The following PARP1 variants were observed in gnomAD, a reference collection of about 807,000 sequenced individuals.
PARP1 encodes poly [ADP-ribose] polymerase 1.
PARP1 carries 44 observed loss-of-function variants against 118.7 expected under a neutral mutation model. The ratio of observed to expected loss-of-function variants is 0.37; its 90% CI spans 0.29 to 0.48. PARP1 has a LOEUF of 0.48. Among genes scored for constraint, PARP1 ranks in the 20% least tolerant of loss-of-function variants. The pLI, the probability that PARP1 is intolerant of heterozygous loss-of-function variation, is 0.99. For synonymous variants in PARP1, 492 were observed against 483.2 expected, an observed-to-expected ratio of 1.02 and a Z score of -0.24; for missense variants, 1,100 against 1,272.4, an observed-to-expected ratio of 0.86 and a Z score of 2.06.
intron 12 of PARP1, among the ~76,000 whole-genome samples, chr1:226,378,836 A>C (rs1396920070): frequency 6.6e-6 from 1 of 152,228 alleles, no homozygotes; most frequent in Non-Finnish European, 1.5e-5. Flanking sequence ...CTATTTCAAA[A>C]AACAAAACAA....
chr1:226,395,096 T>C (rs1251128584), intron 2 of PARP1, among the ~76,000 whole-genome samples: 1 of 151,998 alleles, frequency 6.6e-6, no homozygotes, highest in Middle Eastern at 3.2e-3. Flanking sequence ...GAGATACTAC[T>C]TCACACACAT....
chr1:226,389,679 C>T (rs1291900549), intron 4 of PARP1, among the ~76,000 whole-genome samples: 1 of 152,196 alleles, frequency 6.6e-6, no homozygotes, highest in Non-Finnish European at 1.5e-5. Flanking sequence ...CTTCCACATT[C>T]TAGAGCCCCA....
chr1:226,390,981 G>A (rs1369820766), intron 3 of PARP1, among the ~76,000 whole-genome samples: 5 of 150,764 alleles, frequency 3.3e-5, no homozygotes, highest in Non-Finnish European at 4.4e-5. Flanking sequence ...GCACACCTGC[G>A]TGGGCTTCCA....
In PARP1 at chr1:226,379,964, C is replaced by G; in HGVS notation, c.1501G>C (p.Ala501Pro). The G allele has an allele frequency of 6.2e-7, 1 of 1,614,138 alleles. No individual in the cohort carries two copies. The highest frequency in any genetic ancestry group is 8.5e-7 in the Non-Finnish European group (1 of 1,180,030). Residue 501 changes from alanine to proline, a missense_variant, in exon 10 of 23, where the codon GCT (alanine) becomes CCT (proline). Ala to Pro is a conservative substitution (Grantham distance 27, BLOSUM62 -1). Coordinates refer to ENST00000366794, the MANE Select transcript of PARP1 (RefSeq NM_001618.4). ...CCCTTGCTTTTTTTGGAGAGCGCAG[C>G]CCCTGACTTCCCTCTTGGGGCCACA... ...EVVAPRGKSG[A>P]ALSKKSKGQV...
At chr1:226,381,969 A>G (rs1292534314) in intron 8 of PARP1, among the ~76,000 whole-genome samples, 1 of 152,214 alleles carries the variant, frequency 6.6e-6, no homozygotes, top group Non-Finnish European at 1.5e-5. Flanking sequence ...GGGAAAGCAG[A>G]GGAGGGAACC....
At chr1:226,383,474 G>A (rs369573740) in intron 7 of PARP1, among the ~76,000 whole-genome samples, 6 of 152,080 alleles carry the variant, frequency 3.9e-5, no homozygotes, top group Admixed American at 6.5e-5. Flanking sequence ...TGGCCAATTC[G>A]GTCAGGGAAC....
chr1:226,400,056 C>G (rs1197071748), intron 2 of PARP1, among the ~76,000 whole-genome samples: 1 of 152,072 alleles, frequency 6.6e-6, no homozygotes, highest in Non-Finnish European at 1.5e-5. Context: ...GACAATGGAA[C>G]AGAAATTTTT....
At position 226,361,351 on chromosome 1, in the gene PARP1, AG is replaced by A. The variant is rs1664132796; in HGVS notation, c.*108del. On this transcript the variant is annotated 3_prime_UTR_variant, in exon 23 of 23. Coordinates refer to ENST00000366794, the MANE Select transcript of PARP1 (RefSeq NM_001618.4). ...TGTAAAATCCTTTCTGAGGTGGTTTAGTACAGGTACTACCCATCAGCAACTT... is the reference window on the plus strand; with the variant it reads ...TGTAAAATCCTTTCTGAGGTGGTTTATACAGGTACTACCCATCAGCAACTT... The A allele has an allele frequency of 1.4e-6, 1 of 737,262 alleles. No individual in the cohort carries two copies. The highest frequency in any genetic ancestry group is 2.5e-6 in the Non-Finnish European group (1 of 400,866). 45.7% of individuals were successfully genotyped at this position (737,262 alleles called of 1,614,324 possible). A position where few individuals can be genotyped will look rare whatever the true frequency, so the allele number is the denominator to read the frequency against.
At chr1:226,405,131 T>C (rs1274469025) in intron 1 of PARP1, among the ~76,000 whole-genome samples, 1 of 152,164 alleles carries the variant, frequency 6.6e-6, no homozygotes, top group Non-Finnish European at 1.5e-5. Flanking sequence ...GGCTTCTTTC[T>C]TTTTGGCCTT....
chr1:226,374,205 A>G, intron 14 of PARP1, 21 bp downstream of exon 14: 1 of 1,612,964 alleles, frequency 6.2e-7, no homozygotes, highest in Non-Finnish European at 8.5e-7. Context: ...GCTCACAGAT[A>G]AAATGATAAA....
intron 2 of PARP1, among the ~76,000 whole-genome samples, chr1:226,395,537 C>A (rs961083194): frequency 6.6e-6 from 1 of 151,808 alleles, no homozygotes; most frequent in African/African-American, 2.4e-5. Flanking sequence ...CCCAGCTACT[C>A]GGGAGGCTGA....
intron 2 of PARP1, among the ~76,000 whole-genome samples, chr1:226,397,815 C>A (rs10799349): frequency 0.23 from 35,236 of 151,924 alleles, 4,969 homozygotes; most frequent in African/African-American, 0.39. Flanking sequence ...CAAAAGGATA[C>A]GTAGATCAGT....
chr1:226,379,508 G>A, intron 11 of PARP1, 65 bp downstream of exon 11: 1 of 1,349,462 alleles, frequency 7.4e-7, no homozygotes, highest in Non-Finnish European at 1.1e-6. Context: ...TTGGATGTGT[G>A]CTCCTAGTCA....
chr1:226,370,357 C>G (rs1664355393), intron 15 of PARP1, 77 bp downstream of exon 15: 5 of 1,019,416 alleles, frequency 4.9e-6, no homozygotes, highest in African/African-American at 1.6e-5. Flanking sequence ...TAAATGTTAC[C>G]CCTGCCACCC....
chr1:226,374,420 T>C, intron 13 of PARP1, 66 bp from the exon 14 acceptor site: 1 of 1,596,610 alleles, frequency 6.3e-7, no homozygotes, highest in Non-Finnish European at 8.6e-7. Flanking sequence ...TCTGCGTCTG[T>C]GGGGCTGGAC....
intron 2 of PARP1, among the ~76,000 whole-genome samples, chr1:226,399,136 T>G (rs1313479559): frequency 6.8e-6 from 1 of 147,278 alleles, no homozygotes; most frequent in Non-Finnish European, 1.5e-5. Context: ...TGCAGTGGCA[T>G]GATCTCGGCT....
Position 226,407,821 on chromosome 1 carries a change from T to C in PARP1, c.109A>G (p.Ile37Val), listed in dbSNP as rs1285064497. The C allele has an allele frequency of 1.3e-6, 2 of 1,570,078 alleles. No individual in the cohort carries two copies. Among genetic ancestry groups the C allele is most frequent in the Admixed American group, 1.9e-5 (1 of 53,340 alleles). ...SIPKDSLRMA[I>V]MVQSPMFDGK... ...ACAGCGGCCCGCACCTGCACCATGATGGCCATCCGGAGCGAGTCCTTGGGG... is the reference window on the plus strand; with the variant it reads ...ACAGCGGCCCGCACCTGCACCATGACGGCCATCCGGAGCGAGTCCTTGGGG... Residue 37 changes from isoleucine to valine, a missense_variant, in exon 1 of 23, where the codon ATC becomes GTC. Ile to Val is a conservative substitution (Grantham distance 29). Coordinates refer to ENST00000366794, the MANE Select transcript of PARP1 (RefSeq NM_001618.4).
At chr1:226,388,470 AAAT>A (rs1432655106) in intron 5 of PARP1, among the ~76,000 whole-genome samples, 183 bp downstream of exon 5, 2 of 152,232 alleles carry the variant, frequency 1.3e-5, no homozygotes, top group African/African-American at 4.8e-5. Flanking sequence ...ATTCTCTTCC[AAAT>A]AAAAATGGTT....
intron 4 of PARP1, 37 bp downstream of exon 4, chr1:226,390,373 C>G: frequency 6.3e-7 from 1 of 1,593,694 alleles, no homozygotes; most frequent in Non-Finnish European, 8.6e-7. Context: ...GAACCCCTCA[C>G]TGAACCCCCA....
Sources: gnomAD v4.1 joint callset for allele counts (sites outside exome capture counted in the v4.1 genomes callset) on GRCh38, gnomAD v4.1.1 for gene constraint, MANE v1.5 for transcripts, NCBI Gene and HGNC (gene_info 2026-07-23, HGNC 2026-07-21) for gene names.